The following IFTAP variants were observed in gnomAD, a reference collection of about 807,000 sequenced individuals.
IFTAP encodes the protein intraflagellar transport-associated protein.
IFTAP carries 19 observed loss-of-function variants against 19.4 expected under a neutral mutation model. The observed-to-expected ratio is 0.98, with a 90% CI of 0.68 to 1.44. The LOEUF is 1.44. IFTAP is among the 40% of genes most tolerant of loss of function. The pLI, the probability that IFTAP is intolerant of heterozygous loss-of-function variation, is 0.00. For missense variants in IFTAP, 240 were observed against 253.6 expected, an observed-to-expected ratio of 0.95 and a Z score of 0.36; for synonymous variants, 85 against 83.5, an observed-to-expected ratio of 1.02 and a Z score of -0.10.
intron 5 of IFTAP, among the ~76,000 whole-genome samples, chr11:36,650,347 C>T (rs190980508): frequency 7.2e-5 from 11 of 151,792 alleles, no homozygotes; most frequent in African/African-American, 2.4e-4. Context: ...TGAATTGGAC[C>T]AACTCAATGT....
At chr11:36,642,163 G>T (rs1853239168) in intron 4 of IFTAP, among the ~76,000 whole-genome samples, 1 of 151,996 alleles carries the variant, frequency 6.6e-6, no homozygotes, top group Non-Finnish European at 1.5e-5. Flanking sequence ...AATAAAAAAT[G>T]ATAAAGGGGA....
intron 2 of IFTAP, among the ~76,000 whole-genome samples, chr11:36,616,107 C>T (rs1279286714): frequency 6.6e-6 from 1 of 151,950 alleles, no homozygotes; most frequent in African/African-American, 2.4e-5. Flanking sequence ...TTATGACATA[C>T]GGTAACTGTC....
At chr11:36,610,426 A>T (rs868456534) in intron 2 of IFTAP, among the ~76,000 whole-genome samples, 187 bp downstream of exon 2, 13 of 152,314 alleles carry the variant, frequency 8.5e-5, no homozygotes, top group Middle Eastern at 3.4e-3. Flanking sequence ...ACCAGTCTTC[A>T]TACATCCAAG....
At chr11:36,650,704 C>G (rs1012178599) in intron 5 of IFTAP, among the ~76,000 whole-genome samples, 1 of 152,216 alleles carries the variant, frequency 6.6e-6, no homozygotes, top group Middle Eastern at 3.4e-3. Flanking sequence ...ATCCCTCCCC[C>G]CTTCCCCCAC....
chr11:36,605,727 A>G (rs1040944487), intron 1 of IFTAP, among the ~76,000 whole-genome samples: 1 of 152,210 alleles, frequency 6.6e-6, no homozygotes, highest in African/African-American at 2.4e-5. Flanking sequence ...TCTGGGGGCC[A>G]TGATTGTGAA....
At chr11:36,633,490 T>G in intron 3 of IFTAP, 52 bp downstream of exon 3, 1 of 1,356,910 alleles carries the variant, frequency 7.4e-7, no homozygotes, top group Non-Finnish European at 9.7e-7. Flanking sequence ...AAAAGAATTC[T>G]TCATGAATCA....
At chr11:36,627,458 C>T (rs943592005) in intron 2 of IFTAP, among the ~76,000 whole-genome samples, 1 of 151,170 alleles carries the variant, frequency 6.6e-6, no homozygotes, top group African/African-American at 2.5e-5. Context: ...GGGTTTGGCT[C>T]AAGAACTAGG....
At chr11:36,654,319 C>T in intron 5 of IFTAP, among the ~76,000 whole-genome samples, 1 of 151,914 alleles carries the variant, frequency 6.6e-6, no homozygotes, top group Non-Finnish European at 1.5e-5. Flanking sequence ...TCCTGTGATT[C>T]TTTATTTTAT....
intron 2 of IFTAP, among the ~76,000 whole-genome samples, chr11:36,630,201 A>G (rs1244015776): frequency 1.3e-5 from 2 of 151,424 alleles, no homozygotes; most frequent in African/African-American, 4.9e-5. Context: ...ACATTATCAT[A>G]TTGAAAAATA....
intron 2 of IFTAP, among the ~76,000 whole-genome samples, chr11:36,625,986 A>G (rs1391959723): frequency 6.9e-6 from 1 of 145,546 alleles, no homozygotes; most frequent in Non-Finnish European, 1.5e-5. Flanking sequence ...TTGCATGAGC[A>G]ACGGTGAAAG....
At chr11:36,623,080 T>A (rs1852368809) in intron 2 of IFTAP, among the ~76,000 whole-genome samples, 1 of 152,170 alleles carries the variant, frequency 6.6e-6, no homozygotes, top group African/African-American at 2.4e-5. Context: ...TTTTACTTCA[T>A]GGAATCTTTA....
At chr11:36,604,114 A>G (rs1851605918) in intron 1 of IFTAP, among the ~76,000 whole-genome samples, 1 of 152,130 alleles carries the variant, frequency 6.6e-6, no homozygotes, top group Non-Finnish European at 1.5e-5. Context: ...GGAAATGTAT[A>G]GCTATTAAGA....
intron 1 of IFTAP, among the ~76,000 whole-genome samples, chr11:36,605,310 T>G (rs1375794536): frequency 5.9e-5 from 8 of 135,394 alleles, no homozygotes; most frequent in Non-Finnish European, 1.1e-4. Flanking sequence ...TGCAGACATA[T>G]AACCCTAGTG....
chr11:36,601,045 G>A (rs1314554806), intron 1 of IFTAP, among the ~76,000 whole-genome samples: 1 of 152,200 alleles, frequency 6.6e-6, no homozygotes, highest in Non-Finnish European at 1.5e-5. Context: ...ACTCATGACA[G>A]TGCATTTCAA....
chr11:36,596,222 G>GTTTTTTTT (rs67282079), intron 1 of IFTAP, among the ~76,000 whole-genome samples: 1 of 118,366 alleles, frequency 8.4e-6, no homozygotes, highest in Non-Finnish European at 1.8e-5. Context: ...TTTTTTTTTT[G>GTTTTTTTT]TTTTTTTTTT....
At chr11:36,603,447 T>A (rs764829860) in intron 1 of IFTAP, among the ~76,000 whole-genome samples, 5 of 152,160 alleles carry the variant, frequency 3.3e-5, no homozygotes, top group Admixed American at 6.5e-5. Context: ...CCATCCCCCA[T>A]TTTTAAGCTA....
chr11:36,649,956 A>G (rs1385544265), intron 5 of IFTAP, among the ~76,000 whole-genome samples: 2 of 152,106 alleles, frequency 1.3e-5, no homozygotes, highest in East Asian at 1.9e-4. Flanking sequence ...CATGATGCTC[A>G]AAGGCAATGC....
chr11:36,629,123 A>T lies in IFTAP; in HGVS notation c.137-4161A>T, dbSNP rs1852632706. On this transcript the variant is annotated intron_variant, in intron 2 of 5. Transcript: ENST00000334307. Reference sequence around the variant, plus strand: ...CAGGGGAGGCCAGATAACAAGGAGCATGTGATCAAGAAGCAGTGGAGTGAA... The same window carrying T: ...CAGGGGAGGCCAGATAACAAGGAGCTTGTGATCAAGAAGCAGTGGAGTGAA... Among the ~76,000 whole-genome samples, 5 of 151,430 alleles carry T rather than the reference A, an allele frequency of 3.3e-5. No individual in the cohort carries two copies. In the South Asian group the frequency reaches 8.3e-4, roughly 25 times the overall value.
chr11:36,619,307 C>G (rs116267889), intron 2 of IFTAP, among the ~76,000 whole-genome samples: 150 of 152,082 alleles, frequency 9.9e-4, no homozygotes, highest in African/African-American at 3.5e-3. Flanking sequence ...TAAAACAACA[C>G]ATTTCCGAAG....
Sources: gnomAD v4.1 joint callset for allele counts (sites outside exome capture counted in the v4.1 genomes callset) on GRCh38, gnomAD v4.1.1 for gene constraint, MANE v1.5 for transcripts, NCBI Gene and HGNC (gene_info 2026-07-23, HGNC 2026-07-21) for gene names.